Variants in ARB2A observed in about 807,000 individuals in gnomAD.
ARB2A encodes the protein ARB2 cotranscriptional regulator A.
chr5:94,004,322 T>C, the ARB2A span, among the ~76,000 whole-genome samples: 3 of 152,042 alleles, frequency 2.0e-5, no homozygotes, highest in Non-Finnish European at 4.4e-5. Flanking sequence ...TTAGACTGCA[T>C]TAGAATTAAA....
the ARB2A span, among the ~76,000 whole-genome samples, chr5:93,895,555 T>C: frequency 6.6e-6 from 1 of 152,182 alleles, no homozygotes; most frequent in Non-Finnish European, 1.5e-5. Context: ...TTGTATACTT[T>C]AATGGAAATA....
chr5:93,703,826 T>C, the ARB2A span, among the ~76,000 whole-genome samples: 2 of 152,266 alleles, frequency 1.3e-5, no homozygotes, highest in East Asian at 3.9e-4. Flanking sequence ...ACCCTAATAT[T>C]CTCACACTCC....
chr5:93,752,950 C>A, the ARB2A span, among the ~76,000 whole-genome samples: 6 of 152,080 alleles, frequency 3.9e-5, no homozygotes, highest in Non-Finnish European at 7.4e-5. Flanking sequence ...GTAATAAAAA[C>A]TGTCTGAAAA....
At chr5:94,043,738 C>T in the ARB2A span, among the ~76,000 whole-genome samples, 3 of 152,130 alleles carry the variant, frequency 2.0e-5, no homozygotes, top group South Asian at 4.1e-4. Flanking sequence ...GAATAATTTA[C>T]CCAACTCATA....
At chr5:93,809,601 G>A in the ARB2A span, among the ~76,000 whole-genome samples, 1 of 151,884 alleles carries the variant, frequency 6.6e-6, no homozygotes, top group African/African-American at 2.4e-5. Context: ...TGTGGGGAAA[G>A]CATAGAGATA....
the ARB2A span, among the ~76,000 whole-genome samples, chr5:93,979,386 G>GT: frequency 1.3e-5 from 2 of 151,974 alleles, no homozygotes; most frequent in African/African-American, 4.8e-5. Flanking sequence ...ATAATGTAGT[G>GT]TTTCTACAAA....
the ARB2A span, among the ~76,000 whole-genome samples, chr5:93,783,829 AAAG>A: frequency 6.6e-6 from 1 of 152,152 alleles, no homozygotes; most frequent in Non-Finnish European, 1.5e-5. Context: ...GGAAGTGTGA[AAAG>A]AAGCTTTCTT....
At chr5:93,674,943 A>G in the ARB2A span, among the ~76,000 whole-genome samples, 1 of 152,298 alleles carries the variant, frequency 6.6e-6, no homozygotes, top group Non-Finnish European at 1.5e-5. Flanking sequence ...CACTGTTTAC[A>G]ATTTATAATT....
chr5:93,634,426 A>C, the ARB2A span, among the ~76,000 whole-genome samples: 2 of 151,482 alleles, frequency 1.3e-5, no homozygotes, highest in Admixed American at 6.6e-5. Flanking sequence ...AAAACAAAAA[A>C]CAAAAACCAC....
chr5:93,683,463 T>C, the ARB2A span: 3 of 1,597,068 alleles, frequency 1.9e-6, no homozygotes, highest in Non-Finnish European at 2.5e-6. Context: ...AGGGAAACTG[T>C]TGGCTGTACA....
chr5:94,000,532 A>G, the ARB2A span, among the ~76,000 whole-genome samples: 1 of 152,046 alleles, frequency 6.6e-6, no homozygotes, highest in Non-Finnish European at 1.5e-5. Flanking sequence ...TAGTTTTAAG[A>G]GATCTTTGTT....
chr5:93,872,710 G>C, the ARB2A span, among the ~76,000 whole-genome samples: 2 of 152,002 alleles, frequency 1.3e-5, no homozygotes, highest in Non-Finnish European at 2.9e-5. Context: ...AAGGTCATGA[G>C]ATCGAGACCA....
At chr5:94,109,794 A>T in the ARB2A span, among the ~76,000 whole-genome samples, 3 of 151,534 alleles carry the variant, frequency 2.0e-5, no homozygotes, top group African/African-American at 7.3e-5. Context: ...GTGTTCCCTT[A>T]TCAGAGAGGG....
chr5:94,017,577 C>T, the ARB2A span, among the ~76,000 whole-genome samples: 10 of 152,142 alleles, frequency 6.6e-5, no homozygotes, highest in Non-Finnish European at 1.5e-4. Flanking sequence ...ATAAGTTTGC[C>T]CTTCAGCCAG....
the ARB2A span, among the ~76,000 whole-genome samples, chr5:93,858,095 T>C: frequency 3.3e-5 from 5 of 152,258 alleles, no homozygotes; most frequent in South Asian, 8.3e-4. Flanking sequence ...GGAAACAAGG[T>C]ACAAACTTCC....
the ARB2A span, among the ~76,000 whole-genome samples, chr5:93,791,376 G>T: frequency 6.6e-6 from 1 of 152,180 alleles, no homozygotes; most frequent in Non-Finnish European, 1.5e-5. Flanking sequence ...AACAGGTAAG[G>T]CTTATAAAGT....
At chr5:93,973,568 C>A in the ARB2A span, among the ~76,000 whole-genome samples, 1 of 152,060 alleles carries the variant, frequency 6.6e-6, no homozygotes, top group African/African-American at 2.4e-5. Context: ...ATCCAGAGAA[C>A]TCCTGCAAGA....
At chr5:93,907,889 A>C in the ARB2A span, among the ~76,000 whole-genome samples, 4 of 151,302 alleles carry the variant, frequency 2.6e-5, no homozygotes, top group Admixed American at 6.6e-5. Context: ...TATACTCAAA[A>C]ATTTCTTTAG....
At chr5:93,992,692 G>C in the ARB2A span, among the ~76,000 whole-genome samples, 1 of 151,902 alleles carries the variant, frequency 6.6e-6, no homozygotes, top group African/African-American at 2.4e-5. Flanking sequence ...CAAAAATTCA[G>C]TAATTACCAT....
Sources: allele counts gnomAD v4.1 joint callset (sites outside exome capture counted in the v4.1 genomes callset), GRCh38; gene constraint gnomAD v4.1.1; transcripts MANE v1.5; gene names NCBI Gene and HGNC (gene_info 2026-07-23, HGNC 2026-07-21).